CNTN5: variants seen among roughly 807,000 people sequenced by gnomAD.
CNTN5 encodes contactin 5, also known as contactin-5.
CNTN5 carries 77 observed loss-of-function variants against 129.1 expected under a neutral mutation model. The ratio of observed to expected loss-of-function variants is 0.60; its 90% confidence interval spans 0.50 to 0.72. The LOEUF (loss-of-function observed/expected upper bound fraction) is 0.72, where lower values mean the gene tolerates loss of function less well. CNTN5 is among the 30% of genes least tolerant of loss of function. CNTN5 has a pLI of 0.00. For missense variants in CNTN5, 1,478 were observed against 1,328.8 expected (o/e 1.11, Z -1.75); for synonymous variants, 509 against 465.6 (o/e 1.09, Z -1.20).
intron 3 of CNTN5, among the ~76,000 whole-genome samples, chr11:99,609,848 C>G (rs566031901): frequency 2.6e-5 from 4 of 152,050 alleles, no homozygotes; most frequent in African/African-American, 7.2e-5. Flanking sequence ...TTTGCAAGGT[C>G]CTTAGTTTTA....
chr11:100,267,185 C>T (rs1950320637), intron 17 of CNTN5, among the ~76,000 whole-genome samples: 1 of 151,264 alleles, frequency 6.6e-6, no homozygotes, highest in Admixed American at 6.6e-5. Flanking sequence ...CAGAAATTTA[C>T]TTTATTACAG....
intron 1 of CNTN5, among the ~76,000 whole-genome samples, chr11:99,235,591 G>A (rs909733753): frequency 6.6e-6 from 1 of 152,106 alleles, no homozygotes; most frequent in Non-Finnish European, 1.5e-5. Flanking sequence ...ATAACTATGA[G>A]TTAAATAGGG....
At chr11:99,516,705 C>T (rs1947065327) in intron 2 of CNTN5, among the ~76,000 whole-genome samples, 1 of 152,018 alleles carries the variant, frequency 6.6e-6, no homozygotes, top group South Asian at 2.1e-4. Context: ...TTATGGAAAA[C>T]ATTGCAGTTT....
chr11:100,010,208 C>G (rs980420082), intron 9 of CNTN5, among the ~76,000 whole-genome samples: 3 of 152,062 alleles, frequency 2.0e-5, no homozygotes. Flanking sequence ...ACTGGGTGTG[C>G]TCAGTGTTTA....
intron 10 of CNTN5, among the ~76,000 whole-genome samples, chr11:100,068,039 C>T (rs1313408952): frequency 6.6e-6 from 1 of 151,964 alleles, no homozygotes; most frequent in Admixed American, 6.6e-5. Flanking sequence ...CTCTTCATTT[C>T]TGTAACTTTT....
chr11:100,094,049 T>C (rs552966345), intron 13 of CNTN5, among the ~76,000 whole-genome samples: 15 of 152,132 alleles, frequency 9.9e-5, no homozygotes, highest in Non-Finnish European at 1.9e-4. Context: ...CTTTATTTAA[T>C]AATGGTGGTT....
chr11:100,050,238 G>A (rs1484618617), intron 9 of CNTN5, among the ~76,000 whole-genome samples: 54 of 152,020 alleles, frequency 3.6e-4, no homozygotes, highest in Non-Finnish European at 6.0e-4. Flanking sequence ...ATGTCCAACA[G>A]TGATAGACTG....
intron 2 of CNTN5, among the ~76,000 whole-genome samples, chr11:99,446,927 T>G (rs1434763336): frequency 6.6e-6 from 1 of 152,196 alleles, no homozygotes; most frequent in Non-Finnish European, 1.5e-5. Flanking sequence ...CTCCCCCTAT[T>G]TTTCTGGGCT....
chr11:99,806,626 G>T lies in CNTN5; in HGVS notation c.56-12918G>T, dbSNP rs147888834. ...GTTCAAGACCAGCTTGGCCAACATG[G>T]TGAAACCCTGTCTCTGCTAAAAATA... On this transcript the variant is annotated intron_variant, in intron 3 of 24. Coordinates refer to ENST00000524871, the MANE Select transcript of CNTN5 (RefSeq NM_014361.4). Among the ~76,000 whole-genome samples the T allele has an allele frequency of 1.1e-3, 172 of 152,048 alleles. 1 individual carries two copies. The highest frequency in any genetic ancestry group is 3.8e-3 in the African/African-American group (159 of 41,476).
Position 100,168,838 on chromosome 11 carries a change from A to G in CNTN5, c.1581-22288A>G, listed in dbSNP as rs543356437. 5.9e-5 allele frequency among the ~76,000 whole-genome samples: 9 copies of G among 152,080 alleles called. No homozygotes were observed. In the East Asian group the frequency reaches 1.8e-3, roughly 30 times the overall value. ...ATTAAAAACGTTCTGGAAAATGTTTACCATTGTAGATGCCATTAAGAACAT... is the reference window on the plus strand; with the variant it reads ...ATTAAAAACGTTCTGGAAAATGTTTGCCATTGTAGATGCCATTAAGAACAT... On this transcript the variant is annotated intron_variant, in intron 13 of 24. Transcript: ENST00000524871.
chr11:99,616,331 A>G (rs1950760437), intron 3 of CNTN5, among the ~76,000 whole-genome samples: 1 of 152,174 alleles, frequency 6.6e-6, no homozygotes, highest in Admixed American at 6.6e-5. Flanking sequence ...TTGATTCTGC[A>G]CCCTGGCTTT....
At chr11:99,609,522 T>A (rs751101068) in intron 3 of CNTN5, among the ~76,000 whole-genome samples, 1 of 151,920 alleles carries the variant, frequency 6.6e-6, no homozygotes, top group Non-Finnish European at 1.5e-5. Flanking sequence ...CACACAGAAG[T>A]CCAGGAAGAC....
Position 99,546,399 on chromosome 11 carries a change from C to T in CNTN5, c.-70-9746C>T, listed in dbSNP as rs1948292209. The stretch of plus-strand genomic sequence containing the variant: ...AAAGGATACAGGAGGAACTATGAAT[C>T]CCATTCAGAACCCCAAGCTCATCTG... On this transcript the variant is annotated intron_variant, in intron 2 of 24. Coordinates refer to ENST00000524871, the MANE Select transcript of CNTN5 (RefSeq NM_014361.4). Among the ~76,000 whole-genome samples, 3 of 152,050 alleles carry T rather than the reference C, an allele frequency of 2.0e-5. No homozygotes were observed. In the South Asian group the frequency reaches 6.2e-4, roughly 32 times the overall value.
intron 1 of CNTN5, among the ~76,000 whole-genome samples, chr11:99,209,906 A>G (rs1859680535): frequency 6.6e-6 from 1 of 152,182 alleles, no homozygotes; most frequent in South Asian, 2.1e-4. Context: ...TTACACGTAG[A>G]CAGAGAAATA....
intron 3 of CNTN5, among the ~76,000 whole-genome samples, chr11:99,586,546 G>A (rs1185222632): frequency 6.6e-6 from 1 of 152,162 alleles, no homozygotes; most frequent in Admixed American, 6.5e-5. Context: ...CAGATAAAAT[G>A]AGATAATACT....
At chr11:100,234,224 AAGAC>A (rs140127447) in intron 16 of CNTN5, among the ~76,000 whole-genome samples, 28,583 of 151,994 alleles carry the variant, frequency 0.19, 2,916 homozygotes, top group Admixed American at 0.22. Context: ...ACCATTGTAG[AAGAC>A]AGTGTGGTGA....
chr11:99,199,936 A>G (rs543919876), intron 1 of CNTN5, among the ~76,000 whole-genome samples: 1 of 152,152 alleles, frequency 6.6e-6, no homozygotes, highest in South Asian at 2.1e-4. Context: ...AATGCAAGAA[A>G]TACTTTGCGA....
At chr11:99,659,236 TAAAAG>T (rs1426567597) in intron 3 of CNTN5, among the ~76,000 whole-genome samples, 5 of 151,710 alleles carry the variant, frequency 3.3e-5, no homozygotes, top group Non-Finnish European at 7.4e-5. Context: ...GAATGAGTAA[TAAAAG>T]AAAAAGGGAA....
intron 3 of CNTN5, among the ~76,000 whole-genome samples, chr11:99,614,025 A>C (rs994231037): frequency 1.3e-5 from 2 of 152,192 alleles, no homozygotes; most frequent in Admixed American, 6.5e-5. Context: ...ATAGCATGTG[A>C]ATTATGTTTC....
Sources: gnomAD v4.1 joint callset for allele counts (sites outside exome capture counted in the v4.1 genomes callset) on GRCh38, gnomAD v4.1.1 for gene constraint, MANE v1.5 for transcripts, NCBI Gene and HGNC (gene_info 2026-07-23, HGNC 2026-07-21) for gene names.